Variants in MGAT4A observed in about 807,000 individuals in gnomAD.
MGAT4A encodes alpha-1,3-mannosyl-glycoprotein 4-beta-N-acetylglucosaminyltransferase A, also known as N-acetylglucosaminyltransferase IVa.
A neutral mutation model predicts 74.1 loss-of-function variants in MGAT4A; 33 were observed. That is an observed-to-expected ratio of 0.45 (90% CI 0.34 to 0.60). The LOEUF (loss-of-function observed/expected upper bound fraction) is 0.60. Among genes scored for constraint, MGAT4A ranks in the 20% least tolerant of loss-of-function variants. The pLI is 0.02. For synonymous variants in MGAT4A, 198 were observed against 210.4 expected, an observed-to-expected ratio of 0.94 and a Z score of 0.51; for missense variants, 479 against 628.3, an observed-to-expected ratio of 0.76 and a Z score of 2.54.
intron 10 of MGAT4A, 119 bp downstream of exon 10, chr2:98,643,804 T>A: frequency 2.0e-6 from 2 of 1,013,542 alleles, no homozygotes; most frequent in Non-Finnish European, 2.7e-6. Context: ...TTTTATCAGC[T>A]CAGGAAAGAA....
Position 98,724,251 on chromosome 2 carries a change from G to A in MGAT4A, c.94+1988C>T, listed in dbSNP as rs141032927. Among the ~76,000 whole-genome samples the A allele has an allele frequency of 2.6e-3, 393 of 152,320 alleles. 2 individuals carry two copies. The highest frequency in any genetic ancestry group is 9.1e-3 in the African/African-American group (380 of 41,568). ...TAGTTTAGCAACATCAAAGCTTATA[G>A]AAACCACACTTTCAAAATAAAAATC... On this transcript the variant is annotated intron_variant, in intron 2 of 15. Coordinates refer to ENST00000393487, the MANE Select transcript of MGAT4A (RefSeq NM_012214.3).
At position 98,726,563 on chromosome 2, in the gene MGAT4A, C is replaced by A. The variant is rs541125378; in HGVS notation, c.-231G>T. 4 of 414,158 alleles carry A rather than the reference C, an allele frequency of 9.7e-6. No homozygotes were observed. The highest frequency in any genetic ancestry group is 1.7e-5 in the Non-Finnish European group (4 of 234,770). The allele number at this position is 414,158 out of a possible 1,614,324, so 25.7% of individuals were successfully genotyped here. A position where few individuals can be genotyped will look rare whatever the true frequency, so the allele number is the denominator to read the frequency against. On this transcript the variant is annotated 5_prime_UTR_variant, in exon 2 of 16. Transcript: ENST00000393487. Reference sequence around the variant, plus strand: ...CACACGCTGATGCCTCGGCCTTTTCCCTTCCTATTCAGGGGAAAAGAGAAA... The same window carrying A: ...CACACGCTGATGCCTCGGCCTTTTCACTTCCTATTCAGGGGAAAAGAGAAA...
rs1122071 is a variant in MGAT4A at position 98,663,558 on chromosome 2, C to T, written c.404-379G>A. 7.6e-3 allele frequency: 7,757 copies of T among 1,014,988 alleles called. 43 individuals carry two copies. Among genetic ancestry groups the T allele is most frequent in the East Asian group, 8.8e-3 (289 of 33,008 alleles). The allele number at this position is 1,014,988 out of a possible 1,614,324, so 62.9% of individuals were successfully genotyped here. A position where few individuals can be genotyped will look rare whatever the true frequency, so the allele number is the denominator to read the frequency against. ...ATGTGACATGCCGAGAAGAGCACAA[C>T]ATCAGTTCTGTGGTTGTTCTTGCCA... On this transcript the variant is annotated intron_variant, in intron 4 of 15. Coordinates refer to ENST00000393487, the MANE Select transcript of MGAT4A (RefSeq NM_012214.3).
At position 98,632,766 on chromosome 2, in the gene MGAT4A, CTTGTT is replaced by C. The variant is rs911723007; in HGVS notation, c.1468+2451_1468+2455del. Among the ~76,000 whole-genome samples, 24 of 152,006 alleles carry C rather than the reference CTTGTT, an allele frequency of 1.6e-4. 1 individual carries two copies. Among genetic ancestry groups the C allele is most frequent in the Admixed American group, 7.9e-4 (12 of 15,250 alleles). Reference sequence around the variant, plus strand: ...CATGGCAGTAGCCCTTGGTTTTTGTCTTGTTTTGTTTTGTTTGAGACAGAGTGGCC... The same window carrying C: ...CATGGCAGTAGCCCTTGGTTTTTGTCTTGTTTTGTTTGAGACAGAGTGGCC... On this transcript the variant is annotated intron_variant, in intron 14 of 15. Coordinates refer to ENST00000393487, the MANE Select transcript of MGAT4A (RefSeq NM_012214.3).
At chr2:98,650,194 C>T (rs1450219862) in intron 8 of MGAT4A, among the ~76,000 whole-genome samples, 1 of 152,042 alleles carries the variant, frequency 6.6e-6, no homozygotes, top group South Asian at 2.1e-4. Context: ...AATCAGTGAA[C>T]TTAAAGATAG....
At position 98,706,687 on chromosome 2, in the gene MGAT4A, T is replaced by G. The variant is rs539925512; in HGVS notation, c.94+19552A>C. ...AATATACATGGCATACTGCTATCTG[T>G]GTAAATTTTTTAGATACATAAAATT... On this transcript the variant is annotated intron_variant, in intron 2 of 15. Transcript: ENST00000393487. Among the ~76,000 whole-genome samples, 19 of 151,710 alleles carry G rather than the reference T, an allele frequency of 1.3e-4. No individual in the cohort carries two copies. The East Asian group carries it at 3.7e-3, about 29-fold the overall frequency.
intron 8 of MGAT4A, among the ~76,000 whole-genome samples, chr2:98,646,452 C>T (rs547974363): frequency 6.6e-6 from 1 of 151,926 alleles, no homozygotes; most frequent in Non-Finnish European, 1.5e-5. Flanking sequence ...GCCTGTAATC[C>T]CAGCACTTCG....
At chr2:98,690,906 A>G (rs1702186010) in intron 2 of MGAT4A, among the ~76,000 whole-genome samples, 1 of 152,262 alleles carries the variant, frequency 6.6e-6, no homozygotes, top group East Asian at 1.9e-4. Flanking sequence ...GTGATCCTCA[A>G]GAAAGACAAC....
rs1701021459 is a variant in MGAT4A, at chr2:98,619,913, A to G, written c.*5653T>C. The stretch of plus-strand genomic sequence containing the variant: ...TTTAGCACCACTTTTTTTTTTCCAC[A>G]ATTTTGACTGCAACATTAACAGTGG... On this transcript the variant is annotated 3_prime_UTR_variant, in exon 16 of 16. Transcript: ENST00000393487. The G allele has an allele frequency of 6.6e-6, 1 of 152,012 alleles. No individual in the cohort carries two copies. The allele number at this position is 152,012 out of a possible 1,614,324, so 9.4% of individuals were successfully genotyped here. A position where few individuals can be genotyped will look rare whatever the true frequency, so the allele number is the denominator to read the frequency against.
intron 8 of MGAT4A, among the ~76,000 whole-genome samples, chr2:98,646,461 C>CG (rs1465960237): frequency 6.6e-6 from 1 of 151,910 alleles, no homozygotes; most frequent in Non-Finnish European, 1.5e-5. Context: ...CCCAGCACTT[C>CG]GGGGGGCCCA....
rs1334192674 is a variant in MGAT4A, at chr2:98,685,576, A to G, written c.95-7105T>C. The stretch of plus-strand genomic sequence containing the variant: ...TGGATTCAGAGGGTGGTTTAGGAGA[A>G]CTAATGCCATAAAAAGCCAAAAGAC... On this transcript the variant is annotated intron_variant, in intron 2 of 15. Transcript: ENST00000393487. Among the ~76,000 whole-genome samples the G allele has an allele frequency of 2.0e-5, 3 of 152,214 alleles. No individual in the cohort carries two copies. The East Asian group carries it at 5.8e-4, about 29-fold the overall frequency.
chr2:98,730,535 T>G (rs896343613), intron 1 of MGAT4A, among the ~76,000 whole-genome samples: 1 of 152,056 alleles, frequency 6.6e-6, no homozygotes, highest in Non-Finnish European at 1.5e-5. Flanking sequence ...CCTCGGACCG[T>G]CCGGCCCCGC....
intron 2 of MGAT4A, among the ~76,000 whole-genome samples, chr2:98,707,932 C>T (rs1195300407): frequency 6.6e-6 from 1 of 152,176 alleles, no homozygotes; most frequent in Non-Finnish European, 1.5e-5. Context: ...ACATACCTAA[C>T]CCTCAACAGG....
chr2:98,695,965 G>A (rs1038262419), intron 2 of MGAT4A, among the ~76,000 whole-genome samples: 7 of 145,850 alleles, frequency 4.8e-5, no homozygotes, highest in East Asian at 4.1e-4. Flanking sequence ...TGCAACCTCC[G>A]CCTCCCAGGC....
At chr2:98,638,385 T>C (rs1364798211) in intron 12 of MGAT4A, among the ~76,000 whole-genome samples, 2 of 152,232 alleles carry the variant, frequency 1.3e-5, no homozygotes, top group Admixed American at 1.3e-4. Flanking sequence ...TATAAAGTTA[T>C]AAAATTTGCT....
intron 8 of MGAT4A, among the ~76,000 whole-genome samples, chr2:98,645,865 A>C (rs1701476851): frequency 6.6e-6 from 1 of 152,150 alleles, no homozygotes; most frequent in African/African-American, 2.4e-5. Flanking sequence ...TAAAGGTCTT[A>C]TCACAGCAGA....
chr2:98,678,114 C>T (rs1702002957), intron 3 of MGAT4A, among the ~76,000 whole-genome samples, 190 bp downstream of exon 3: 1 of 150,976 alleles, frequency 6.6e-6, no homozygotes, highest in Non-Finnish European at 1.5e-5. Context: ...CCTGTAGTCC[C>T]AGCTATTCAG....
At chr2:98,629,054 T>C (rs190653151) in intron 14 of MGAT4A, among the ~76,000 whole-genome samples, 1 of 152,360 alleles carries the variant, frequency 6.6e-6, no homozygotes, top group Admixed American at 6.5e-5. Context: ...AATGTATTCT[T>C]TTTACTTTTT....
intron 2 of MGAT4A, among the ~76,000 whole-genome samples, chr2:98,679,932 T>C (rs1255347561): frequency 6.6e-6 from 1 of 152,102 alleles, no homozygotes; most frequent in Non-Finnish European, 1.5e-5. Flanking sequence ...GGGAATGTTA[T>C]GCACAATGTC....
Sources: gnomAD v4.1 joint callset for allele counts (sites outside exome capture counted in the v4.1 genomes callset) on GRCh38, gnomAD v4.1.1 for gene constraint, MANE v1.5 for transcripts, NCBI Gene and HGNC (gene_info 2026-07-23, HGNC 2026-07-21) for gene names.